The following LRRC37A2 variants were observed in gnomAD, a reference collection of about 807,000 sequenced individuals.
LRRC37A2 encodes leucine rich repeat containing 37 member A2.
LRRC37A2 carries 9 observed loss-of-function variants against 68.8 expected under a neutral mutation model. That is an observed-to-expected ratio of 0.13 (90% CI 0.08 to 0.23). LRRC37A2 has a LOEUF of 0.23. Ranked by LOEUF, LRRC37A2 falls within the 10% of genes least tolerant of loss-of-function variation. LRRC37A2 has a pLI of 1.00. For missense variants in LRRC37A2, 168 were observed against 950.4 expected, an observed-to-expected ratio of 0.18 and a Z score of 10.82; for synonymous variants, 63 against 367.6, an observed-to-expected ratio of 0.17 and a Z score of 9.48.
the LRRC37A2 span, among the ~76,000 whole-genome samples, chr17:46,492,603 A>AT: frequency 6.8e-6 from 1 of 148,120 alleles, no homozygotes; most frequent in Non-Finnish European, 1.5e-5. Flanking sequence ...TAGCTGTACC[A>AT]TTTTGCATTC....
chr17:46,768,292 C>G, the LRRC37A2 span: 79 of 1,612,834 alleles, frequency 4.9e-5, no homozygotes, highest in Admixed American at 2.3e-4. This position sits in a 1 kb window ranked among gnomAD's most constrained non-coding sequence, Gnocchi z 5.0. Context: ...CAGCCTCCCC[C>G]CTGCTTCCCG....
At chr17:46,818,747 C>T in the LRRC37A2 span, 12 of 805,804 alleles carry the variant, frequency 1.5e-5, no homozygotes, top group African/African-American at 2.0e-4. Flanking sequence ...CCCTCCCGAG[C>T]CCAGCGCGGA....
the LRRC37A2 span, among the ~76,000 whole-genome samples, chr17:46,809,846 T>C: frequency 1.3e-5 from 2 of 152,048 alleles, no homozygotes; most frequent in African/African-American, 4.8e-5. Flanking sequence ...TCAGGACCCC[T>C]ACAGGAAGGA....
chr17:46,969,564 C>T, the LRRC37A2 span, among the ~76,000 whole-genome samples: 1 of 152,226 alleles, frequency 6.6e-6, no homozygotes, highest in Non-Finnish European at 1.5e-5. Flanking sequence ...CTTCCCTGCT[C>T]CAGGCTGGGA....
At position 46,550,709 on chromosome 17, in the gene LRRC37A2, C is replaced by G. The variant is rs1313904097; in HGVS notation, c.4809+190C>G. On this transcript the variant is annotated intron_variant, in intron 11 of 14. Transcript: ENST00000576629. Reference sequence around the variant, plus strand: ...TATATTTCAGGATTTTTAAAGGATCCTCGCTTTCAGATCTCTGTGAATTGA... The same window carrying G: ...TATATTTCAGGATTTTTAAAGGATCGTCGCTTTCAGATCTCTGTGAATTGA... Among the ~76,000 whole-genome samples, 14 of 138,790 alleles carry G rather than the reference C, an allele frequency of 1.0e-4. 2 individuals are homozygous for G. Among genetic ancestry groups the G allele is most frequent in the African/African-American group, 4.1e-4 (14 of 33,834 alleles). The allele number at this position is 138,790 out of a possible 152,430, so 91.1% of individuals were successfully genotyped here.
the LRRC37A2 span, among the ~76,000 whole-genome samples, chr17:46,965,797 A>ATTT: frequency 3.6e-5 from 5 of 137,648 alleles, no homozygotes; most frequent in Non-Finnish European, 6.3e-5. Flanking sequence ...TAATTTTTGT[A>ATTT]TTTTTTTTTT....
At chr17:46,810,843 G>A in the LRRC37A2 span, among the ~76,000 whole-genome samples, 30,398 of 152,018 alleles carry the variant, frequency 0.2, 3,824 homozygotes, top group East Asian at 0.34. Context: ...TCAGGAAGTT[G>A]CCTAATATCA....
At chr17:46,923,192 C>A in the LRRC37A2 span, 2 of 1,545,094 alleles carry the variant, frequency 1.3e-6, no homozygotes, top group Non-Finnish European at 1.8e-6. Context: ...GGGCCGGCGA[C>A]ATGGATCCCC....
the LRRC37A2 span, among the ~76,000 whole-genome samples, chr17:46,993,513 G>A: frequency 6.6e-6 from 1 of 152,260 alleles, no homozygotes; most frequent in Non-Finnish European, 1.5e-5. Flanking sequence ...TCAGCTTCTT[G>A]CTGTTCTTGC....
At chr17:46,745,856 T>C in the LRRC37A2 span, among the ~76,000 whole-genome samples, 3 of 152,258 alleles carry the variant, frequency 2.0e-5, no homozygotes, top group Non-Finnish European at 4.4e-5. Flanking sequence ...TAAAAATGTA[T>C]GTCTTTACTC....
At chr17:46,984,407 C>T in the LRRC37A2 span, among the ~76,000 whole-genome samples, 3,845 of 152,266 alleles carry the variant, frequency 0.025, 125 homozygotes, top group African/African-American at 0.081. Context: ...AAGGGTGAGT[C>T]TGTCAACTGG....
the LRRC37A2 span, chr17:46,762,905 C>T: frequency 2.6e-5 from 4 of 152,272 alleles, no homozygotes; most frequent in East Asian, 1.9e-4. Context: ...TTTGAAAATT[C>T]GTATCCATTC....
chr17:46,715,882 A>G, the LRRC37A2 span, among the ~76,000 whole-genome samples: 1 of 152,182 alleles, frequency 6.6e-6, no homozygotes, highest in African/African-American at 2.4e-5. Flanking sequence ...CTTATTCAAA[A>G]TTGTTTTAAT....
chr17:46,708,114 G>A, the LRRC37A2 span, among the ~76,000 whole-genome samples: 3 of 151,734 alleles, frequency 2.0e-5, no homozygotes, highest in African/African-American at 7.3e-5. Context: ...CCAGGCTTCT[G>A]CCACGTTTTG....
chr17:46,755,254 C>A, the LRRC37A2 span: 2 of 1,276,122 alleles, frequency 1.6e-6, no homozygotes, highest in Non-Finnish European at 2.3e-6. Context: ...TCTCATGAAG[C>A]AAGTGCAGAG....
chr17:46,727,529 A>C, the LRRC37A2 span, among the ~76,000 whole-genome samples: 10 of 152,080 alleles, frequency 6.6e-5, no homozygotes, highest in Non-Finnish European at 1.5e-4. Flanking sequence ...CATTTTTCCC[A>C]TGATTTTCAG....
the LRRC37A2 span, among the ~76,000 whole-genome samples, chr17:46,873,211 G>C: frequency 6.6e-6 from 1 of 151,882 alleles, no homozygotes; most frequent in African/African-American, 2.4e-5. Flanking sequence ...CGATGCATTT[G>C]TTCACTCCTT....
At chr17:46,539,212 GAAAAAAAAA>G (rs1166753209) in intron 6 of LRRC37A2, among the ~76,000 whole-genome samples, 1 of 40,030 alleles carries the variant, frequency 2.5e-5, no homozygotes. Flanking sequence ...CTCCATCTCA[GAAAAAAAAA>G]AAAAAAAAAA....
the LRRC37A2 span, among the ~76,000 whole-genome samples, chr17:46,492,700 T>G: frequency 8.7e-4 from 124 of 143,038 alleles, no homozygotes; most frequent in South Asian, 8.5e-4. Flanking sequence ...TTTTTTTTTT[T>G]TTTTTTTTTT....
Sources: gnomAD v4.1 joint callset for allele counts (sites outside exome capture counted in the v4.1 genomes callset) on GRCh38, gnomAD v4.1.1 for gene constraint, Gnocchi (gnomAD v3.1) non-coding constraint, MANE v1.5 for transcripts, NCBI Gene and HGNC (gene_info 2026-07-23, HGNC 2026-07-21) for gene names.